The following FGF18 variants were observed in gnomAD, a reference collection of about 807,000 sequenced individuals.
The protein encoded by FGF18 is fibroblast growth factor 18.
Under a neutral mutation model 23.0 loss-of-function variants are expected in FGF18, and 5 were observed. The ratio of observed to expected loss-of-function variants is 0.22; its 90% CI spans 0.11 to 0.46. The LOEUF (loss-of-function observed/expected upper bound fraction) is 0.46. Ranked by LOEUF, FGF18 falls within the 20% of genes least tolerant of loss-of-function variation. The pLI, the probability that FGF18 is intolerant of heterozygous loss-of-function variation, is 0.99. For missense variants in FGF18, 180 were observed against 291.6 expected, an observed-to-expected ratio of 0.62 and a Z score of 2.79; for synonymous variants, 117 against 118.9, an observed-to-expected ratio of 0.98 and a Z score of 0.10.
At position 171,434,236 on chromosome 5, in the gene FGF18, G is replaced by C. The variant is rs771014538; in HGVS notation, c.70-1857G>C. On this transcript the variant is annotated intron_variant, in intron 2 of 4. Transcript: ENST00000274625. The surrounding 1 kb of genome is among the most constrained non-coding windows in gnomAD (Gnocchi z 4.6). Reference sequence around the variant, plus strand: ...GCATTACTGCTCTGGGGCCTTGTCAGTGGAGCTGACAGTTTCCTCATCCAT... The same window carrying C: ...GCATTACTGCTCTGGGGCCTTGTCACTGGAGCTGACAGTTTCCTCATCCAT... Among the ~76,000 whole-genome samples, 2 of 152,254 alleles carry C rather than the reference G, an allele frequency of 1.3e-5. No individual in the cohort carries two copies. The highest frequency in any genetic ancestry group is 4.1e-4 in the South Asian group (2 of 4,838).
intron 2 of FGF18, among the ~76,000 whole-genome samples, chr5:171,431,997 C>T (rs566078752): frequency 1.3e-3 from 194 of 152,150 alleles, no homozygotes; most frequent in African/African-American, 4.5e-3. Flanking sequence ...TGCAGTGAGC[C>T]GAGATCGCGC....
chr5:171,431,320 T>C (rs1772178910), intron 2 of FGF18, among the ~76,000 whole-genome samples: 1 of 152,148 alleles, frequency 6.6e-6, no homozygotes, highest in Admixed American at 6.5e-5. Context: ...GACACTTGGC[T>C]GTTGTCCTGG....
intron 4 of FGF18, among the ~76,000 whole-genome samples, chr5:171,455,988 GCT>G (rs577188619): frequency 2.0e-5 from 3 of 152,230 alleles, no homozygotes; most frequent in Admixed American, 2.0e-4. Context: ...GGAAGTGAAG[GCT>G]CTCTGTCCTA....
intron 3 of FGF18, among the ~76,000 whole-genome samples, chr5:171,444,071 G>A (rs1412218525): frequency 2.7e-5 from 4 of 146,398 alleles, no homozygotes; most frequent in Non-Finnish European, 6.0e-5. Context: ...CCATCTCCCG[G>A]TATCAAAGGT....
chr5:171,427,399 G>T (rs1169023421), intron 2 of FGF18, among the ~76,000 whole-genome samples: 1 of 152,158 alleles, frequency 6.6e-6, no homozygotes, highest in East Asian at 1.9e-4. Flanking sequence ...AGCTAGAAAG[G>T]ACGTGTTCCT....
chr5:171,426,082 C>T (rs774779838), intron 2 of FGF18, among the ~76,000 whole-genome samples: 9 of 152,148 alleles, frequency 5.9e-5, no homozygotes, highest in Non-Finnish European at 1.2e-4. Flanking sequence ...TTACTTAACT[C>T]CCCTGGGTCT....
chr5:171,440,749 C>T lies in FGF18; in HGVS notation c.250+4476C>T, dbSNP rs959536888. ...CCTCCAGCTCAGGCATGGGGTTAGT[C>T]TGTGATTCCAGCTTTACAGGGAGTC... is the stretch of plus-strand genomic sequence containing the variant. On this transcript the variant is annotated intron_variant, in intron 3 of 4. Coordinates refer to ENST00000274625, the MANE Select transcript of FGF18 (RefSeq NM_003862.3). This position sits in a 1 kb window ranked among gnomAD's most constrained non-coding sequence, Gnocchi z 4.0. Among the ~76,000 whole-genome samples the T allele has an allele frequency of 2.6e-5, 4 of 152,148 alleles. No individual in the cohort carries two copies. The highest frequency in any genetic ancestry group is 5.9e-5 in the Non-Finnish European group (4 of 68,022).
chr5:171,437,547 T>C (rs1005598442), intron 3 of FGF18, among the ~76,000 whole-genome samples: 1 of 152,146 alleles, frequency 6.6e-6, no homozygotes, highest in African/African-American at 2.4e-5. Flanking sequence ...CCCCGTTTTG[T>C]TTTTGTCCAC....
At chr5:171,449,322 G>T (rs1772459228) in intron 4 of FGF18, 69 bp downstream of exon 4, 3 of 1,028,346 alleles carry the variant, frequency 2.9e-6, no homozygotes, top group Admixed American at 3.4e-5. Flanking sequence ...CTGGAACAAT[G>T]TGTCCAGGGC....
In FGF18 at chr5:171,451,610, C is replaced by T. The variant is rs149660867; in HGVS notation, c.357+2357C>T. Among the ~76,000 whole-genome samples, 1,322 of 152,322 alleles carry T rather than the reference C, an allele frequency of 8.7e-3. 10 individuals are homozygous for T. The highest frequency in any genetic ancestry group is 0.017 in the Middle Eastern group (5 of 294). On this transcript the variant is annotated intron_variant, in intron 4 of 4. Transcript: ENST00000274625. The surrounding 1 kb of genome is among the most constrained non-coding windows in gnomAD (Gnocchi z 4.5). ...CTTCGGCTTTCTACAGCACATACGG[C>T]ATTGGAGGGCGGCACATGACCTGCC...
rs1772506090 is a variant in FGF18 at position 171,451,411 on chromosome 5, G to A, written c.357+2158G>A. Among the ~76,000 whole-genome samples, 1 of 152,174 alleles carries A rather than the reference G, an allele frequency of 6.6e-6. No homozygotes were observed. Among genetic ancestry groups the A allele is most frequent in the Non-Finnish European group, 1.5e-5 (1 of 68,018 alleles). On this transcript the variant is annotated intron_variant, in intron 4 of 4. Transcript: ENST00000274625. The surrounding 1 kb of genome is among the most constrained non-coding windows in gnomAD (Gnocchi z 4.5). ...CCCCGAGGCGGGAATCTGGCTCCTG[G>A]GCTGCGGTCCTCTCCACAGCCTCCC...
In FGF18 at chr5:171,424,783, G is replaced by C. The variant is rs1275449239; in HGVS notation, c.69+4340G>C. On this transcript the variant is annotated intron_variant, in intron 2 of 4. Transcript: ENST00000274625. Reference sequence around the variant, plus strand: ...TCTGAGAGGGTCCCAGAGTTAGAGGGGGGTACTTGGGGGCTGGGGCCCAGA... The same window carrying C: ...TCTGAGAGGGTCCCAGAGTTAGAGGCGGGTACTTGGGGGCTGGGGCCCAGA... Among the ~76,000 whole-genome samples the C allele has an allele frequency of 2.6e-5, 4 of 151,474 alleles. No individual in the cohort carries two copies. In the South Asian group the frequency reaches 6.3e-4, roughly 24 times the overall value.
At chr5:171,432,478 G>A (rs1235940976) in intron 2 of FGF18, among the ~76,000 whole-genome samples, 1 of 151,832 alleles carries the variant, frequency 6.6e-6, no homozygotes, top group Admixed American at 6.6e-5. Flanking sequence ...GTGCAATCTC[G>A]GCTCATGGCA....
At chr5:171,446,188 T>A (rs1416097589) in intron 3 of FGF18, among the ~76,000 whole-genome samples, 11 of 152,204 alleles carry the variant, frequency 7.2e-5, no homozygotes, top group African/African-American at 2.7e-4. Flanking sequence ...TCCCCTGGCG[T>A]GACGGCCAGG....
intron 2 of FGF18, among the ~76,000 whole-genome samples, chr5:171,432,961 TC>T (rs1289525578): frequency 6.6e-6 from 1 of 152,168 alleles, no homozygotes; most frequent in Non-Finnish European, 1.5e-5. Flanking sequence ...AGTAGAGTGT[TC>T]GGGGGCCCTC....
chr5:171,419,946 G>C lies in FGF18; in HGVS notation c.-254G>C, dbSNP rs930801277. 6.1e-6 allele frequency: 1 copy of C among 163,404 alleles called. No individual in the cohort carries two copies. Among genetic ancestry groups the C allele is most frequent in the South Asian group, 1.8e-4 (1 of 5,446 alleles). 10.1% of individuals were successfully genotyped at this position (163,404 alleles called of 1,614,324 possible). The stretch of plus-strand genomic sequence containing the variant: ...ACCGGCCAGGCGCCTCCTGCACAGC[G>C]GCTGCCGCCCCGCAGCCCCTGCGCC... On this transcript the variant is annotated 5_prime_UTR_variant, in exon 1 of 5. Coordinates refer to ENST00000274625, the MANE Select transcript of FGF18 (RefSeq NM_003862.3).
At chr5:171,433,970 T>C (rs371031631) in intron 2 of FGF18, among the ~76,000 whole-genome samples, 17 of 152,268 alleles carry the variant, frequency 1.1e-4, no homozygotes, top group African/African-American at 3.1e-4. Context: ...CAGCCACTCA[T>C]GAGGAGGGTG....
At chr5:171,448,088 T>G (rs768399348) in intron 3 of FGF18, among the ~76,000 whole-genome samples, 2 of 152,188 alleles carry the variant, frequency 1.3e-5, no homozygotes, top group Admixed American at 6.5e-5. Flanking sequence ...GGAAAAGATT[T>G]GGACACAGCA....
rs1175505652 is a variant in FGF18, at chr5:171,440,232, G to GGT, written c.250+3960_250+3961insTG. ...CTCCTTACTATGGGTGTGTGGGGGG[G>GGT]GGTGGTGCCATCGCGGGCTCAGGTG... On this transcript the variant is annotated intron_variant, in intron 3 of 4. Coordinates refer to ENST00000274625, the MANE Select transcript of FGF18 (RefSeq NM_003862.3). This position sits in a 1 kb window ranked among gnomAD's most constrained non-coding sequence, Gnocchi z 4.0. Among the ~76,000 whole-genome samples, 4 of 152,010 alleles carry GGT rather than the reference G, an allele frequency of 2.6e-5. No homozygotes were observed. Among genetic ancestry groups the GGT allele is most frequent in the Non-Finnish European group, 5.9e-5 (4 of 67,990 alleles).
Sources: allele counts gnomAD v4.1 joint callset (sites outside exome capture counted in the v4.1 genomes callset), GRCh38; gene constraint gnomAD v4.1.1; non-coding constraint Gnocchi (gnomAD v3.1); transcripts MANE v1.5; gene names NCBI Gene and HGNC (gene_info 2026-07-23, HGNC 2026-07-21).